The following TMC7 variants were observed in gnomAD, a reference collection of about 807,000 sequenced individuals.
TMC7 encodes the protein transmembrane channel-like protein 7.
Under a neutral mutation model 82.9 loss-of-function variants are expected in TMC7, and 54 were observed. The observed-to-expected ratio is 0.65, with a 90% CI of 0.52 to 0.82. TMC7 has a LOEUF of 0.82. Among genes scored for constraint, TMC7 ranks in the 40% least tolerant of loss-of-function variants. The probability of loss-of-function intolerance (pLI) is 0.00; values close to 1 mark genes in which losing one functional copy is unlikely to be tolerated. For synonymous variants in TMC7, 350 were observed against 337.9 expected, an observed-to-expected ratio of 1.04 and a Z score of -0.39; for missense variants, 820 against 901.2, an observed-to-expected ratio of 0.91 and a Z score of 1.15.
intron 13 of TMC7, among the ~76,000 whole-genome samples, chr16:19,052,774 G>A (rs1287015283): frequency 1.3e-5 from 2 of 152,114 alleles, no homozygotes; most frequent in Non-Finnish European, 2.9e-5. Context: ...GTGCAGTGGT[G>A]TGATCTTGGC....
At chr16:19,012,446 C>T (rs2142181414) in intron 2 of TMC7, among the ~76,000 whole-genome samples, 1 of 152,202 alleles carries the variant, frequency 6.6e-6, no homozygotes, top group South Asian at 2.1e-4. Context: ...CTAACAGACT[C>T]TCATGAGCAG....
chr16:19,037,222 T>C (rs1467853172), intron 7 of TMC7, among the ~76,000 whole-genome samples: 2 of 151,416 alleles, frequency 1.3e-5, no homozygotes, highest in Admixed American at 1.3e-4. Flanking sequence ...ACCCCGTCTC[T>C]ACTAAAATTA....
At position 18,984,300 on chromosome 16, in the gene TMC7, C is replaced by T. The variant is rs1347885183; in HGVS notation, c.67+170C>T. 1.1e-5 allele frequency: 15 copies of T among 1,322,460 alleles called. No homozygotes were observed. In the South Asian group the frequency reaches 3.1e-4, roughly 27 times the overall value. 81.9% of individuals were successfully genotyped at this position (1,322,460 alleles called of 1,614,324 possible). A position where few individuals can be genotyped will look rare whatever the true frequency, so the allele number is the denominator to read the frequency against. On this transcript the variant is annotated intron_variant, in intron 1 of 15. Coordinates refer to ENST00000304381, the MANE Select transcript of TMC7 (RefSeq NM_024847.4). Reference sequence around the variant, plus strand: ...GGGAAGGAGATCTTCCTTATTCCTGCTCCCTCCACAAACGCGTCCTCATCC... The same window carrying T: ...GGGAAGGAGATCTTCCTTATTCCTGTTCCCTCCACAAACGCGTCCTCATCC...
intron 1 of TMC7, among the ~76,000 whole-genome samples, chr16:19,002,669 A>G (rs920074496): frequency 2.0e-5 from 3 of 152,184 alleles, no homozygotes; most frequent in African/African-American, 7.2e-5. Context: ...TCCTGGAATT[A>G]CCCAGTCATC....
At chr16:19,043,946 T>C (rs989946468) in intron 9 of TMC7, among the ~76,000 whole-genome samples, 3 of 151,072 alleles carry the variant, frequency 2.0e-5, no homozygotes, top group African/African-American at 7.3e-5. Context: ...CTCGGCTCAC[T>C]GCAACCTCTG....
intron 8 of TMC7, among the ~76,000 whole-genome samples, chr16:19,039,418 T>C (rs887935600): frequency 2.0e-5 from 3 of 151,982 alleles, no homozygotes; most frequent in African/African-American, 7.2e-5. Context: ...TGGTACAAGA[T>C]AGCTCACCAC....
At chr16:18,987,324 A>T (rs1470034213) in intron 1 of TMC7, among the ~76,000 whole-genome samples, 2 of 150,328 alleles carry the variant, frequency 1.3e-5, no homozygotes, top group African/African-American at 4.9e-5. Context: ...TATTATTATT[A>T]TTTTTTGATG....
intron 3 of TMC7, among the ~76,000 whole-genome samples, chr16:19,018,645 A>G (rs1240873195): frequency 6.6e-6 from 1 of 152,090 alleles, no homozygotes; most frequent in African/African-American, 2.4e-5. Context: ...TTGTGCCAAA[A>G]TACAAAATTA....
chr16:19,007,075 T>G (rs1384391010), intron 1 of TMC7, among the ~76,000 whole-genome samples: 1 of 151,876 alleles, frequency 6.6e-6, no homozygotes, highest in Non-Finnish European at 1.5e-5. Context: ...TCCGCCTGCC[T>G]CGGCCTCCCA....
At chr16:18,984,983 C>T (rs1405468698) in intron 1 of TMC7, among the ~76,000 whole-genome samples, 1 of 152,152 alleles carries the variant, frequency 6.6e-6, no homozygotes, top group Non-Finnish European at 1.5e-5. Context: ...GATGTAGGGC[C>T]GGGCGTGGTG....
intron 11 of TMC7, among the ~76,000 whole-genome samples, chr16:19,045,770 G>C (rs1325897914): frequency 6.6e-6 from 1 of 151,640 alleles, no homozygotes; most frequent in South Asian, 2.1e-4. Context: ...CTAATTTTTT[G>C]TATTTTTAGT....
Position 18,984,046 on chromosome 16 carries a change from G to A in TMC7, c.-18G>A. ...GGAGAGGGTCCTCGGCAGCCTCTGA[G>A]GAGCGCGGGGCGCGGCCATGAGCGA... On this transcript the variant is annotated 5_prime_UTR_variant, in exon 1 of 16. Coordinates refer to ENST00000304381, the MANE Select transcript of TMC7 (RefSeq NM_024847.4). The A allele has an allele frequency of 4.1e-6, 6 of 1,471,508 alleles. No homozygotes were observed. The South Asian group carries it at 5.2e-5, about 13-fold the overall frequency. The allele number at this position is 1,471,508 out of a possible 1,614,324, so 91.2% of individuals were successfully genotyped here.
chr16:18,994,397 TACTG>T (rs2039004593), intron 1 of TMC7, among the ~76,000 whole-genome samples: 1 of 150,884 alleles, frequency 6.6e-6, no homozygotes, highest in South Asian at 2.1e-4. Flanking sequence ...TGTGTAAGAA[TACTG>T]ACTATCGTGC....
chr16:19,044,705 G>T lies in TMC7; in HGVS notation c.1338-179G>T, dbSNP rs1254957883. 4.1e-5 allele frequency among the ~76,000 whole-genome samples: 6 copies of T among 147,556 alleles called. No homozygotes were observed. In the East Asian group the frequency reaches 1.2e-3, roughly 29 times the overall value. On this transcript the variant is annotated intron_variant, in intron 9 of 15. Coordinates refer to ENST00000304381, the MANE Select transcript of TMC7 (RefSeq NM_024847.4). ...TAATCCCCGCTACTTGGGAGGCTGA[G>T]GCAGGAGAACTGAGATCACACCACT...
intron 1 of TMC7, among the ~76,000 whole-genome samples, chr16:18,999,876 GC>G (rs1316401576): frequency 1.3e-5 from 2 of 152,044 alleles, no homozygotes; most frequent in African/African-American, 4.8e-5. Flanking sequence ...CCATTCTCCT[GC>G]CTCAGCCTCC....
At chr16:19,045,596 T>G (rs1961239014) in intron 11 of TMC7, among the ~76,000 whole-genome samples, 158 bp downstream of exon 11, 1 of 138,238 alleles carries the variant, frequency 7.2e-6, no homozygotes, top group Admixed American at 7.4e-5. Context: ...ACTTTCTTTT[T>G]TTTTTTTTTT....
intron 2 of TMC7, among the ~76,000 whole-genome samples, chr16:19,009,940 CAA>C (rs773991777): frequency 2.4e-4 from 23 of 97,302 alleles, no homozygotes; most frequent in Non-Finnish European, 3.1e-4. Flanking sequence ...GACTCCAGCT[CAA>C]AAAAAAAAAA....
intron 2 of TMC7, 21 bp downstream of exon 2, chr16:19,009,436 G>T: frequency 6.2e-7 from 1 of 1,603,904 alleles, no homozygotes; most frequent in South Asian, 1.1e-5. Flanking sequence ...TAGCCACCTG[G>T]AACCTGCATT....
intron 1 of TMC7, among the ~76,000 whole-genome samples, chr16:19,004,548 A>T (rs1220405922): frequency 6.6e-5 from 10 of 152,052 alleles, no homozygotes; most frequent in Non-Finnish European, 1.5e-5. Context: ...TAGTTTTAAT[A>T]GAGACGGGGT....
Sources: allele counts gnomAD v4.1 joint callset (sites outside exome capture counted in the v4.1 genomes callset), GRCh38; gene constraint gnomAD v4.1.1; transcripts MANE v1.5; gene names NCBI Gene and HGNC (gene_info 2026-07-23, HGNC 2026-07-21).